The following FGGY variants were observed in gnomAD, a reference collection of about 807,000 sequenced individuals.
The protein encoded by FGGY is FGGY carbohydrate kinase domain containing, also known as FGGY carbohydrate kinase domain-containing protein.
FGGY carries 72 observed loss-of-function variants against 71.3 expected under a neutral mutation model. That is an observed-to-expected ratio of 1.01 (90% CI 0.84 to 1.23). The LOEUF (loss-of-function observed/expected upper bound fraction) is 1.23. Ranked by LOEUF, FGGY falls within the 50% of genes most tolerant of loss-of-function variation. FGGY has a pLI of 0.00. For synonymous variants in FGGY, 251 were observed against 250.3 expected, an observed-to-expected ratio of 1.00 and a Z score of -0.02; for missense variants, 668 against 682.3, an observed-to-expected ratio of 0.98 and a Z score of 0.23.
intron 10 of FGGY, among the ~76,000 whole-genome samples, chr1:59,634,419 AG>A (rs1291915920): frequency 6.6e-6 from 1 of 152,130 alleles, no homozygotes; most frequent in Non-Finnish European, 1.5e-5. Context: ...AAAAAGAAAA[AG>A]AAAAAGTAAG....
At position 59,638,304 on chromosome 1, in the gene FGGY, G is replaced by T. The variant is rs1041868985; in HGVS notation, c.1150G>T (p.Val384Phe). Residue 384 changes from valine (V) to phenylalanine (F), a missense_variant, in exon 11 of 16, where the codon GTT becomes TTT. Around this residue, in one of 2 missense-constraint regions of FGGY, gnomAD observed 661 missense variants for 661.6 expected, o/e 1.00. Transcript: ENST00000303721. ...GGCTCAGCCTGTGGGTTTCCTTACT[G>T]TTGATTTACATGTTTGGCCAGATTT... ...KKAQPVGFLT[V>F]DLHVWPDFHG... The T allele has an allele frequency of 6.2e-7, 1 of 1,614,176 alleles. No homozygotes were observed. The highest frequency in any genetic ancestry group is 1.1e-5 in the South Asian group (1 of 91,086).
At chr1:59,539,023 A>G (rs1389138381) in intron 7 of FGGY, among the ~76,000 whole-genome samples, 1 of 152,184 alleles carries the variant, frequency 6.6e-6, no homozygotes, top group East Asian at 1.9e-4. Context: ...AAATGTTTAA[A>G]TAGCATGATT....
intron 6 of FGGY, among the ~76,000 whole-genome samples, chr1:59,488,631 T>C (rs2153580423): frequency 6.6e-6 from 1 of 150,590 alleles, no homozygotes; most frequent in African/African-American, 2.4e-5. Context: ...CTTTACACAA[T>C]TGAAATACTT....
At chr1:59,630,150 G>A (rs758067361) in intron 10 of FGGY, among the ~76,000 whole-genome samples, 2 of 152,096 alleles carry the variant, frequency 1.3e-5, no homozygotes, top group African/African-American at 4.8e-5. Context: ...CAGATCTCAT[G>A]AGAAGTCACT....
intron 10 of FGGY, among the ~76,000 whole-genome samples, chr1:59,635,218 T>C (rs773161090): frequency 1.3e-5 from 2 of 152,242 alleles, no homozygotes; most frequent in Non-Finnish European, 1.5e-5. Context: ...TTGAATGATA[T>C]ACTCAGATAG....
intron 6 of FGGY, among the ~76,000 whole-genome samples, chr1:59,484,246 C>T (rs1166763634): frequency 6.6e-6 from 1 of 152,162 alleles, no homozygotes; most frequent in Non-Finnish European, 1.5e-5. Context: ...TCAATCCCTG[C>T]ATTTTTCATA....
intron 5 of FGGY, among the ~76,000 whole-genome samples, chr1:59,397,036 CTTT>C (rs59388353): frequency 0.057 from 8,159 of 142,814 alleles, 700 homozygotes; most frequent in African/African-American, 0.19. Flanking sequence ...CTTGAGTCTG[CTTT>C]TTTTTTTTTT....
chr1:59,374,801 C>T (rs569692136), intron 4 of FGGY, among the ~76,000 whole-genome samples: 4 of 150,900 alleles, frequency 2.7e-5, no homozygotes, highest in African/African-American at 4.9e-5. Flanking sequence ...AGTAAACTAT[C>T]GCAAGAACAA....
At chr1:59,496,246 A>G (rs565609103) in intron 6 of FGGY, among the ~76,000 whole-genome samples, 1 of 152,216 alleles carries the variant, frequency 6.6e-6, no homozygotes, top group Non-Finnish European at 1.5e-5. Flanking sequence ...TTGTGTCACT[A>G]TTCAAAATAG....
chr1:59,407,330 A>T (rs2062915182), intron 5 of FGGY, among the ~76,000 whole-genome samples: 1 of 152,186 alleles, frequency 6.6e-6, no homozygotes, highest in South Asian at 2.1e-4. Flanking sequence ...AAATGAGAGA[A>T]TGGTAGCAAA....
intron 8 of FGGY, among the ~76,000 whole-genome samples, chr1:59,554,458 T>C (rs900843809): frequency 6.6e-6 from 1 of 152,184 alleles, no homozygotes; most frequent in Non-Finnish European, 1.5e-5. Flanking sequence ...GATTGAGTGC[T>C]CCCTTTGACG....
intron 7 of FGGY, among the ~76,000 whole-genome samples, chr1:59,519,063 CTAT>C (rs1276506153): frequency 6.6e-6 from 1 of 152,156 alleles, no homozygotes; most frequent in African/African-American, 2.4e-5. Context: ...TTTATACATA[CTAT>C]TATTCTATTT....
intron 6 of FGGY, among the ~76,000 whole-genome samples, chr1:59,507,684 A>ATTTTTTTTTTTTTTTTTTTTTTTTTTTT (rs561953004): frequency 1.9e-4 from 20 of 106,900 alleles, no homozygotes; most frequent in African/African-American, 4.1e-4. Context: ...TGCTTGGCTA[A>ATTTTTTTTTTTTTTTTTTTTTTTTTTTT]TTTTTTTTTT....
intron 8 of FGGY, among the ~76,000 whole-genome samples, chr1:59,595,546 C>T (rs544301256): frequency 1.3e-5 from 2 of 151,966 alleles, no homozygotes; most frequent in African/African-American, 2.4e-5. Context: ...AAAAATTAGC[C>T]GGGCTTGGTG....
chr1:59,530,555 T>A (rs899885897), intron 7 of FGGY, among the ~76,000 whole-genome samples: 5 of 152,188 alleles, frequency 3.3e-5, no homozygotes, highest in Non-Finnish European at 5.9e-5. Flanking sequence ...TCACTTTACC[T>A]GAGCAAGTTA....
intron 14 of FGGY, among the ~76,000 whole-genome samples, chr1:59,731,388 A>C (rs2098026813): frequency 6.6e-6 from 1 of 152,152 alleles, no homozygotes. Flanking sequence ...ATGTGCGTGG[A>C]AAACCTCACT....
chr1:59,635,443 A>T (rs1321031421), intron 10 of FGGY, among the ~76,000 whole-genome samples: 1 of 152,168 alleles, frequency 6.6e-6, no homozygotes, highest in Non-Finnish European at 1.5e-5. Context: ...ACGAATCAAT[A>T]ATAATTAGGC....
chr1:59,371,178 C>T (rs1275018310), intron 4 of FGGY, among the ~76,000 whole-genome samples: 1 of 152,158 alleles, frequency 6.6e-6, no homozygotes, highest in Admixed American at 6.5e-5. Flanking sequence ...CATGCAGAGA[C>T]ACACATAGGC....
intron 9 of FGGY, among the ~76,000 whole-genome samples, chr1:59,615,383 A>AAAAC (rs532923982): frequency 3.3e-4 from 49 of 150,444 alleles, no homozygotes; most frequent in African/African-American, 1.1e-3. Context: ...AAATCTGACA[A>AAAAC]AAGCAATGGG....
Sources: allele counts gnomAD v4.1 joint callset (sites outside exome capture counted in the v4.1 genomes callset), GRCh38; gene constraint gnomAD v4.1.1; regional missense constraint gnomAD v4.1.1; transcripts MANE v1.5; gene names NCBI Gene and HGNC (gene_info 2026-07-23, HGNC 2026-07-21).